The following ERICH6B variants were observed in gnomAD, a reference collection of about 807,000 sequenced individuals.
ERICH6B encodes the protein glutamate rich 6B.
In ERICH6B, 69 loss-of-function variants were observed where a neutral mutation model predicts 80.0. The ratio of observed to expected loss-of-function variants is 0.86; its 90% confidence interval spans 0.71 to 1.05. The LOEUF is 1.05. ERICH6B is among the 50% of genes least tolerant of loss of function. The probability of loss-of-function intolerance (pLI) is 0.00; values close to 1 mark genes in which losing one functional copy is unlikely to be tolerated. For synonymous variants in ERICH6B, 283 were observed against 291.9 expected (o/e 0.97, Z 0.31); for missense variants, 754 against 796.1 (o/e 0.95, Z 0.64).
At chr13:45,611,252 G>A (rs968170592) in intron 1 of ERICH6B, among the ~76,000 whole-genome samples, 1 of 152,142 alleles carries the variant, frequency 6.6e-6, no homozygotes, top group Admixed American at 6.5e-5. Context: ...ATAAATCCAG[G>A]AAGAGTGCAC....
At chr13:45,578,770 T>C (rs1186379320) in intron 7 of ERICH6B, among the ~76,000 whole-genome samples, 1 of 152,194 alleles carries the variant, frequency 6.6e-6, no homozygotes, top group Non-Finnish European at 1.5e-5. Flanking sequence ...AGACCAAATC[T>C]GGCCAGGCAC....
At chr13:45,591,149 C>T (rs1876139669) in intron 3 of ERICH6B, among the ~76,000 whole-genome samples, 1 of 152,120 alleles carries the variant, frequency 6.6e-6, no homozygotes, top group East Asian at 1.9e-4. Context: ...ATAAATTATG[C>T]CAACAATTCT....
chr13:45,541,514 G>A lies in ERICH6B; in HGVS notation c.2039C>T (p.Ser680Leu). 2 of 1,552,150 alleles carry A rather than the reference G, an allele frequency of 1.3e-6. No individual in the cohort carries two copies. The highest frequency in any genetic ancestry group is 2.4e-5 in the East Asian group (1 of 40,926). The change falls in exon 15 of 15, where the codon TCA becomes TTA. Residue 680 changes from serine to leucine, a missense_variant. Ser to Leu is a moderately radical substitution (Grantham distance 145). Transcript: ENST00000298738. Reference protein sequence around the residue: ...LENFIEAVSISLMDNKYLKKM... With the variant: ...LENFIEAVSILLMDNKYLKKM... ...CTTCAGGTACTTGTTGTCCATCAGT[G>A]ATATACTGACGGCCTCTATGAAGTT... is the stretch of plus-strand genomic sequence containing the variant.
Position 45,564,749 on chromosome 13 carries a change from A to G in ERICH6B, c.1188-961T>C, listed in dbSNP as rs557371903. ...GTTACCTAGCCTATTGGCACCTGTG[A>G]AAAAATAAGGACCAAGGAATGGGTG... On this transcript the variant is annotated intron_variant, in intron 9 of 14. Coordinates refer to ENST00000298738, the MANE Select transcript of ERICH6B (RefSeq NM_182542.3). Among the ~76,000 whole-genome samples, 3 of 152,320 alleles carry G rather than the reference A, an allele frequency of 2.0e-5. No homozygotes were observed. In the South Asian group the frequency reaches 6.2e-4, roughly 32 times the overall value.
chr13:45,573,112 C>T (rs1332510441), intron 8 of ERICH6B, among the ~76,000 whole-genome samples: 6 of 151,930 alleles, frequency 3.9e-5, no homozygotes, highest in African/African-American at 1.5e-4. Context: ...CATACACTTG[C>T]ATTTGTATGT....
At chr13:45,543,698 C>T (rs964931165) in intron 14 of ERICH6B, among the ~76,000 whole-genome samples, 2 of 152,166 alleles carry the variant, frequency 1.3e-5, no homozygotes, top group African/African-American at 4.8e-5. Context: ...GAGTAAAATT[C>T]TGTTGTTTCA....
At chr13:45,565,073 G>A (rs986222564) in intron 9 of ERICH6B, among the ~76,000 whole-genome samples, 5 of 152,120 alleles carry the variant, frequency 3.3e-5, no homozygotes, top group African/African-American at 1.2e-4. Context: ...TGTCTAAATG[G>A]GAAGAGAGGG....
At chr13:45,542,185 A>G (rs1393868911) in intron 14 of ERICH6B, among the ~76,000 whole-genome samples, 1 of 152,226 alleles carries the variant, frequency 6.6e-6, no homozygotes, top group Admixed American at 6.5e-5. Flanking sequence ...AGCCTGCAGA[A>G]GACTGAGGAC....
chr13:45,601,379 C>T (rs1400063448), intron 2 of ERICH6B, among the ~76,000 whole-genome samples: 1 of 152,082 alleles, frequency 6.6e-6, no homozygotes, highest in African/African-American at 2.4e-5. Flanking sequence ...CAGTGGCAGC[C>T]TATTTTTAAG....
Position 45,554,093 on chromosome 13 carries a change from T to C in ERICH6B, c.1408-3777A>G, listed in dbSNP as rs533158071. On this transcript the variant is annotated intron_variant, in intron 11 of 14. Transcript: ENST00000298738. Reference sequence around the variant, plus strand: ...ATAGACCTCTTAAACTTATTCCTCCTGTCTAGCGGAAATTTTGTATCCTTT... The same window carrying C: ...ATAGACCTCTTAAACTTATTCCTCCCGTCTAGCGGAAATTTTGTATCCTTT... Among the ~76,000 whole-genome samples, 22 of 152,332 alleles carry C rather than the reference T, an allele frequency of 1.4e-4. No homozygotes were observed. The East Asian group carries it at 4.0e-3, about 28-fold the overall frequency.
intron 2 of ERICH6B, among the ~76,000 whole-genome samples, chr13:45,602,683 A>G (rs942886): frequency 0.028 from 4,334 of 152,236 alleles, 188 homozygotes; most frequent in African/African-American, 0.098. Context: ...CTTCCTCCCC[A>G]GACCTCTCAG....
chr13:45,569,775 T>C (rs1359157777), intron 8 of ERICH6B, among the ~76,000 whole-genome samples: 2 of 152,208 alleles, frequency 1.3e-5, no homozygotes, highest in African/African-American at 2.4e-5. Flanking sequence ...GGGAGAAAGC[T>C]GGGGTGCTTT....
chr13:45,550,354 G>T, intron 11 of ERICH6B, 38 bp from the exon 12 acceptor site: 2 of 1,501,752 alleles, frequency 1.3e-6, no homozygotes. Flanking sequence ...AGTGTGAAAA[G>T]TACATGGGTA....
intron 8 of ERICH6B, among the ~76,000 whole-genome samples, chr13:45,573,399 C>T (rs770434390): frequency 6.6e-6 from 1 of 152,126 alleles, no homozygotes; most frequent in Non-Finnish European, 1.5e-5. Flanking sequence ...TTCCAGGATA[C>T]ATAAATAGCA....
chr13:45,578,862 G>A (rs898505718), intron 7 of ERICH6B, among the ~76,000 whole-genome samples: 1 of 152,208 alleles, frequency 6.6e-6, no homozygotes, highest in African/African-American at 2.4e-5. Flanking sequence ...GACAATCCTG[G>A]TCAACAGAGT....
intron 13 of ERICH6B, 136 bp downstream of exon 13, chr13:45,549,757 A>G (rs938023899): frequency 5.0e-6 from 5 of 994,476 alleles, no homozygotes; most frequent in Non-Finnish European, 7.2e-6. Flanking sequence ...GGACTGGTCC[A>G]TCATGGTGCT....
intron 5 of ERICH6B, among the ~76,000 whole-genome samples, chr13:45,580,968 G>A (rs576200240): frequency 6.6e-6 from 1 of 152,316 alleles, no homozygotes; most frequent in East Asian, 1.9e-4. Flanking sequence ...AGCTGGAAGG[G>A]CTGAGGCAGG....
At chr13:45,613,901 G>A (rs1177932431) in intron 1 of ERICH6B, among the ~76,000 whole-genome samples, 1 of 152,168 alleles carries the variant, frequency 6.6e-6, no homozygotes, top group Non-Finnish European at 1.5e-5. Flanking sequence ...AATCGGTGTT[G>A]GGCTGGGGGA....
At chr13:45,592,525 G>A (rs564335286) in intron 3 of ERICH6B, among the ~76,000 whole-genome samples, 7 of 152,310 alleles carry the variant, frequency 4.6e-5, no homozygotes, top group African/African-American at 9.6e-5. Context: ...TAGGCCAGAC[G>A]GCATTTGGAG....
Sources: allele counts gnomAD v4.1 joint callset (sites outside exome capture counted in the v4.1 genomes callset), GRCh38; gene constraint gnomAD v4.1.1; transcripts MANE v1.5; gene names NCBI Gene and HGNC (gene_info 2026-07-23, HGNC 2026-07-21).